The following SUPT3H variants were observed in gnomAD, a reference collection of about 807,000 sequenced individuals.
The protein encoded by SUPT3H is transcription initiation protein SPT3 homolog.
Under a neutral mutation model 44.3 loss-of-function variants are expected in SUPT3H, and 44 were observed. The observed-to-expected ratio is 0.99, with a 90% CI of 0.78 to 1.28. SUPT3H has a LOEUF of 1.28. Ranked by LOEUF, SUPT3H falls within the 50% of genes most tolerant of loss-of-function variation. The pLI, the probability that SUPT3H is intolerant of heterozygous loss-of-function variation, is 0.00. For missense variants in SUPT3H, 380 were observed against 387.1 expected, an observed-to-expected ratio of 0.98 and a Z score of 0.15; for synonymous variants, 124 against 125.6, an observed-to-expected ratio of 0.99 and a Z score of 0.09.
intron 3 of SUPT3H, among the ~76,000 whole-genome samples, chr6:45,086,345 A>G (rs963158334): frequency 6.6e-6 from 1 of 152,040 alleles, no homozygotes; most frequent in African/African-American, 2.4e-5. Flanking sequence ...ATTACTAGGA[A>G]ATCTGGGGCA....
chr6:45,288,896 C>G (rs1156988823), intron 2 of SUPT3H, among the ~76,000 whole-genome samples: 1 of 151,944 alleles, frequency 6.6e-6, no homozygotes, highest in Admixed American at 6.6e-5. Flanking sequence ...CTCCCTTCCA[C>G]TGACTCAGTT....
At chr6:44,903,881 G>A (rs909990665) in intron 10 of SUPT3H, among the ~76,000 whole-genome samples, 4 of 152,040 alleles carry the variant, frequency 2.6e-5, no homozygotes, top group African/African-American at 7.2e-5. Context: ...TTCAACATAC[G>A]AAAATCAATA....
intron 10 of SUPT3H, among the ~76,000 whole-genome samples, chr6:44,837,900 G>A (rs1202735912): frequency 6.6e-6 from 1 of 152,084 alleles, no homozygotes; most frequent in Non-Finnish European, 1.5e-5. Context: ...AGACAATACT[G>A]ATGTAAGACA....
intron 10 of SUPT3H, among the ~76,000 whole-genome samples, chr6:44,858,132 T>C (rs1162978441): frequency 6.6e-6 from 1 of 152,318 alleles, no homozygotes; most frequent in South Asian, 2.1e-4. Flanking sequence ...GTAGCACTTA[T>C]ACTACATTAC....
intron 2 of SUPT3H, among the ~76,000 whole-genome samples, chr6:45,174,125 G>A (rs1811282857): frequency 1.3e-5 from 2 of 152,194 alleles, no homozygotes; most frequent in African/African-American, 4.8e-5. Flanking sequence ...ATCAAAATGT[G>A]AAGAAACCTG....
intron 1 of SUPT3H, among the ~76,000 whole-genome samples, chr6:45,370,515 G>C (rs939645824): frequency 2.0e-5 from 3 of 152,044 alleles, no homozygotes; most frequent in African/African-American, 7.2e-5. Flanking sequence ...TGAAATAAAA[G>C]CCATGGTCAC....
intron 6 of SUPT3H, among the ~76,000 whole-genome samples, chr6:44,985,964 T>C (rs1306877516): frequency 6.6e-6 from 1 of 152,190 alleles, no homozygotes; most frequent in Non-Finnish European, 1.5e-5. Flanking sequence ...TAATCTCTTA[T>C]CAACTATGGT....
intron 2 of SUPT3H, among the ~76,000 whole-genome samples, chr6:45,219,680 T>C (rs979682907): frequency 2.0e-5 from 3 of 151,974 alleles, no homozygotes; most frequent in Non-Finnish European, 2.9e-5. Flanking sequence ...CTAGGCCTAA[T>C]TGGTTTAAGT....
At chr6:45,337,668 A>G (rs1788861660) in intron 2 of SUPT3H, among the ~76,000 whole-genome samples, 1 of 151,868 alleles carries the variant, frequency 6.6e-6, no homozygotes, top group Non-Finnish European at 1.5e-5. Flanking sequence ...ACATATCCTC[A>G]GAGCAAAACA....
At chr6:44,967,306 C>T (rs1334183927) in intron 6 of SUPT3H, among the ~76,000 whole-genome samples, 1 of 152,164 alleles carries the variant, frequency 6.6e-6, no homozygotes, top group Non-Finnish European at 1.5e-5. Context: ...TATTGTAAAA[C>T]ATACAGAGAA....
In SUPT3H at chr6:45,056,665, A is replaced by G. The variant is rs531757183; in HGVS notation, c.187-36033T>C. ...AGCTAAGCTATGAAGACACAAAGGC[A>G]TGAGAATGACACAGTGGACTTTGGG... On this transcript the variant is annotated intron_variant, in intron 3 of 10. Transcript: ENST00000371459. Among the ~76,000 whole-genome samples, 3 of 152,204 alleles carry G rather than the reference A, an allele frequency of 2.0e-5. No individual in the cohort carries two copies. In the South Asian group the frequency reaches 6.2e-4, roughly 31 times the overall value.
intron 2 of SUPT3H, among the ~76,000 whole-genome samples, chr6:45,264,305 G>A (rs1176626298): frequency 1.3e-5 from 2 of 152,118 alleles, no homozygotes; most frequent in Non-Finnish European, 2.9e-5. Flanking sequence ...TTGTTGTGGT[G>A]TAAAAATTGT....
chr6:45,005,538 G>C (rs1782593077), intron 5 of SUPT3H, among the ~76,000 whole-genome samples: 1 of 151,884 alleles, frequency 6.6e-6, no homozygotes, highest in South Asian at 2.1e-4. Flanking sequence ...TCAGGAGTTT[G>C]AGACCAGCCT....
intron 2 of SUPT3H, among the ~76,000 whole-genome samples, chr6:45,232,995 G>A (rs558965428): frequency 1.4e-4 from 21 of 152,302 alleles, no homozygotes; most frequent in South Asian, 4.1e-4. Context: ...TAACTCTTAC[G>A]GGGGGAAGAG....
intron 9 of SUPT3H, among the ~76,000 whole-genome samples, chr6:44,934,065 C>T (rs570567218): frequency 6.6e-5 from 10 of 152,134 alleles, no homozygotes; most frequent in East Asian, 1.9e-4. Context: ...ATTACTATAA[C>T]GGGTCTAGAA....
At chr6:45,192,156 C>A (rs1037669158) in intron 2 of SUPT3H, among the ~76,000 whole-genome samples, 5 of 152,016 alleles carry the variant, frequency 3.3e-5, no homozygotes, top group Non-Finnish European at 7.4e-5. Context: ...GTTGGTATTC[C>A]CAGTATACTT....
At chr6:45,258,455 A>C (rs761436220) in intron 2 of SUPT3H, among the ~76,000 whole-genome samples, 1 of 152,246 alleles carries the variant, frequency 6.6e-6, no homozygotes, top group Non-Finnish European at 1.5e-5. Context: ...TTGATCAGTC[A>C]AATCAATAGT....
intron 3 of SUPT3H, among the ~76,000 whole-genome samples, chr6:45,091,541 C>T (rs1740547394): frequency 6.6e-6 from 1 of 151,740 alleles, no homozygotes; most frequent in Admixed American, 6.6e-5. Context: ...GTTTGAATTC[C>T]CTATCTACTA....
intron 2 of SUPT3H, among the ~76,000 whole-genome samples, chr6:45,119,898 G>GA (rs1193965337): frequency 6.6e-6 from 1 of 151,994 alleles, no homozygotes; most frequent in Non-Finnish European, 1.5e-5. Flanking sequence ...AAATGAGTCT[G>GA]AAAATATATA....
Sources: gnomAD v4.1 joint callset for allele counts (sites outside exome capture counted in the v4.1 genomes callset) on GRCh38, gnomAD v4.1.1 for gene constraint, MANE v1.5 for transcripts, NCBI Gene and HGNC (gene_info 2026-07-23, HGNC 2026-07-21) for gene names.